The following SAMD4A variants were observed in gnomAD, a reference collection of about 807,000 sequenced individuals.
SAMD4A encodes protein Smaug homolog 1.
Under a neutral mutation model 81.3 loss-of-function variants are expected in SAMD4A, and 33 were observed. The observed-to-expected ratio is 0.41, with a 90% CI of 0.31 to 0.54. SAMD4A has a LOEUF of 0.54. Ranked by LOEUF, SAMD4A falls within the 20% of genes least tolerant of loss-of-function variation. SAMD4A has a pLI of 0.37. For missense variants in SAMD4A, 854 were observed against 951.1 expected (o/e 0.90, Z 1.34); for synonymous variants, 389 against 382.1 (o/e 1.02, Z -0.21).
chr14:54,760,666 T>G (rs2038374360), intron 7 of SAMD4A, among the ~76,000 whole-genome samples, 172 bp downstream of exon 7: 1 of 152,172 alleles, frequency 6.6e-6, no homozygotes, highest in African/African-American at 2.4e-5. Context: ...CTTTTGGGTT[T>G]GAACTGCAAT....
chr14:54,567,852 TTGGGGCGGGCGGGGCGGGC>T lies in SAMD4A; in HGVS notation c.-57_-39del, dbSNP rs1555331849. The T allele has an allele frequency of 3.4e-6, 5 of 1,486,162 alleles. No homozygotes were observed. The highest frequency in any genetic ancestry group is 4.5e-6 in the Non-Finnish European group (5 of 1,118,696). The allele number at this position is 1,486,162 out of a possible 1,614,324, so 92.1% of individuals were successfully genotyped here. On this transcript the variant is annotated 5_prime_UTR_variant, in exon 2 of 13. Transcript: ENST00000554335. ...CGCGGGGCTGCGGCTCCGCCAAACT[TTGGGGCGGGCGGGGCGGGC>T]TGGGGCGCCCAGGGGGCTCTGTAGA...
chr14:54,767,202 C>T lies in SAMD4A; in HGVS notation c.1596+2662C>T, dbSNP rs72713433. On this transcript the variant is annotated intron_variant, in intron 8 of 12. Coordinates refer to ENST00000554335, the MANE Select transcript of SAMD4A (RefSeq NM_015589.6). The stretch of plus-strand genomic sequence containing the variant: ...CCGGTTATTCTGTGTGGGTAGAACA[C>T]GCCCTGCCTGTGAGGCCCCGTGAAG... Among the ~76,000 whole-genome samples the T allele has an allele frequency of 5.9e-3, 891 of 152,290 alleles. 11 individuals are homozygous for T. Among genetic ancestry groups the T allele is most frequent in the Non-Finnish European group, 9.4e-3 (637 of 68,030 alleles).
intron 2 of SAMD4A, among the ~76,000 whole-genome samples, chr14:54,626,059 TGC>T (rs113491666): frequency 2.8e-3 from 288 of 102,106 alleles, no homozygotes; most frequent in African/African-American, 8.6e-3. Context: ...TGTGTGTGTG[TGC>T]GCGCGCGCGC....
intron 2 of SAMD4A, among the ~76,000 whole-genome samples, chr14:54,632,708 G>A (rs1185555304): frequency 6.6e-6 from 1 of 152,172 alleles, no homozygotes; most frequent in African/African-American, 2.4e-5. Context: ...ATTGCATAGA[G>A]ACCAAGAACC....
intron 2 of SAMD4A, among the ~76,000 whole-genome samples, chr14:54,673,593 C>T (rs1211745089): frequency 6.6e-6 from 1 of 152,208 alleles, no homozygotes; most frequent in Non-Finnish European, 1.5e-5. Context: ...CCACTGAATT[C>T]TCACCTGCTT....
intron 2 of SAMD4A, among the ~76,000 whole-genome samples, chr14:54,637,554 C>T (rs1056169022): frequency 3.9e-5 from 6 of 152,046 alleles, no homozygotes; most frequent in Non-Finnish European, 7.4e-5. Flanking sequence ...AGAGTCCGAC[C>T]TCTTTCCACC....
At chr14:54,677,378 C>A (rs1234979768) in intron 2 of SAMD4A, among the ~76,000 whole-genome samples, 1 of 152,176 alleles carries the variant, frequency 6.6e-6, no homozygotes, top group African/African-American at 2.4e-5. Context: ...AAACCAATCC[C>A]TATTACCCTA....
intron 11 of SAMD4A, chr14:54,784,304 C>A: frequency 2.0e-6 from 3 of 1,496,476 alleles, no homozygotes; most frequent in Non-Finnish European, 2.7e-6. Flanking sequence ...CAGACTGTGA[C>A]ATGACCAGCT....
At chr14:54,587,685 A>G (rs372915649) in intron 2 of SAMD4A, among the ~76,000 whole-genome samples, 160 of 152,336 alleles carry the variant, frequency 1.1e-3, no homozygotes, top group African/African-American at 1.7e-3. Context: ...GTGGTATATC[A>G]CATTTATGGA....
At chr14:54,637,703 A>G (rs1312476032) in intron 2 of SAMD4A, among the ~76,000 whole-genome samples, 1 of 152,128 alleles carries the variant, frequency 6.6e-6, no homozygotes, top group Non-Finnish European at 1.5e-5. Flanking sequence ...GCCTCACAAG[A>G]CAGAGAGGAA....
In SAMD4A at chr14:54,732,978, G is replaced by A. The variant is rs565018721; in HGVS notation, c.716-4046G>A. On this transcript the variant is annotated intron_variant, in intron 3 of 12. Transcript: ENST00000554335. ...AATGGGAAAGAAATCTGAATCCCAGGGTTTAAAGAAAATACTTAAATGAAC... is the reference window on the plus strand; with the variant it reads ...AATGGGAAAGAAATCTGAATCCCAGAGTTTAAAGAAAATACTTAAATGAAC... 1.6e-4 allele frequency among the ~76,000 whole-genome samples: 25 copies of A among 152,228 alleles called. No individual in the cohort carries two copies. The East Asian group carries it at 4.8e-3, about 29-fold the overall frequency.
intron 11 of SAMD4A, among the ~76,000 whole-genome samples, chr14:54,777,782 C>A (rs893360861): frequency 6.6e-6 from 1 of 152,144 alleles, no homozygotes; most frequent in South Asian, 2.1e-4. Context: ...AGTGCAGAGG[C>A]CTGCTCACAT....
rs2036737155 is a variant in SAMD4A, at chr14:54,702,203, T to C, written c.338T>C (p.Ile113Thr). The part of the protein sequence containing the change: ...KLLPKILAHS[I>T]EHNQHIEESR... ...CTGCCCAAAATCCTGGCTCACTCTA[T>C]TGAACACAACCAGCACATTGAGGAG... Residue 113 changes from isoleucine to threonine, a missense_variant, in exon 3 of 13, where the codon ATT becomes ACT. By Grantham distance (89) the Ile-to-Thr change is moderately conservative (BLOSUM62 -1). Coordinates refer to ENST00000554335, the MANE Select transcript of SAMD4A (RefSeq NM_015589.6). The C allele has an allele frequency of 8.1e-6, 13 of 1,614,072 alleles. No individual in the cohort carries two copies. The highest frequency in any genetic ancestry group is 1.0e-5 in the Non-Finnish European group (12 of 1,180,030).
rs192273647 is a variant in SAMD4A, at chr14:54,615,104, A to G, written c.196+46992A>G. ...CTTGGCTTCTGACAAGTTCACCTGGAACCTTGGAAAGTTGCCCAGCCTCCC... is the reference window on the plus strand; with the variant it reads ...CTTGGCTTCTGACAAGTTCACCTGGGACCTTGGAAAGTTGCCCAGCCTCCC... On this transcript the variant is annotated intron_variant, in intron 2 of 12. Transcript: ENST00000554335. 1.0e-3 allele frequency among the ~76,000 whole-genome samples: 154 copies of G among 152,268 alleles called. 1 individual carries two copies. The highest frequency in any genetic ancestry group is 9.0e-3 in the Admixed American group (137 of 15,290).
Position 54,775,043 on chromosome 14 carries a change from G to T in SAMD4A, c.1825G>T (p.Ala609Ser). Reference protein sequence around the residue: ...YQIPSRNVPSARLGLLGTSGF... With the variant: ...YQIPSRNVPSSRLGLLGTSGF... Reference sequence around the variant, plus strand: ...GATCCCCTCTCGGAACGTCCCTTCCGCCCGCCTGGGCCTCTTGGGCACCAG... The same window carrying T: ...GATCCCCTCTCGGAACGTCCCTTCCTCCCGCCTGGGCCTCTTGGGCACCAG... Residue 609 changes from alanine to serine, a missense_variant, in exon 10 of 13, where the codon GCC (alanine) becomes TCC (serine). This residue lies in a region of SAMD4A where 428 missense variants were observed against 471.2 expected (regional missense o/e 0.91). Transcript: ENST00000554335. The T allele has an allele frequency of 6.2e-7, 1 of 1,614,140 alleles. No individual in the cohort carries two copies. The highest frequency in any genetic ancestry group is 8.5e-7 in the Non-Finnish European group (1 of 1,180,034).
intron 2 of SAMD4A, among the ~76,000 whole-genome samples, chr14:54,663,275 C>T (rs770611466): frequency 6.6e-5 from 10 of 152,134 alleles, no homozygotes; most frequent in South Asian, 2.1e-4. Context: ...ACATTGAGAG[C>T]GGATCCAACC....
At chr14:54,586,587 T>A (rs910000221) in intron 2 of SAMD4A, among the ~76,000 whole-genome samples, 2 of 152,204 alleles carry the variant, frequency 1.3e-5, no homozygotes, top group Non-Finnish European at 2.9e-5. Flanking sequence ...TGATCCATCT[T>A]GAGTTGATTT....
chr14:54,630,732 T>A (rs1327612717), intron 2 of SAMD4A, among the ~76,000 whole-genome samples: 1 of 152,132 alleles, frequency 6.6e-6, no homozygotes, highest in Non-Finnish European at 1.5e-5. Context: ...TATTTCACTA[T>A]GGTGAGTTTT....
chr14:54,790,005 A>T lies in SAMD4A; in HGVS notation c.*1061A>T, dbSNP rs1364851024. 6.6e-6 allele frequency: 1 copy of T among 151,568 alleles called. No individual in the cohort carries two copies. The highest frequency in any genetic ancestry group is 6.6e-5 in the Admixed American group (1 of 15,210). 9.4% of individuals were successfully genotyped at this position (151,568 alleles called of 1,614,324 possible). A position where few individuals can be genotyped will look rare whatever the true frequency, so the allele number is the denominator to read the frequency against. Reference sequence around the variant, plus strand: ...CCCACCCATGGGGCATTATCCTGTCACTCCCAGCCTTGCTCCACACACACA... The same window carrying T: ...CCCACCCATGGGGCATTATCCTGTCTCTCCCAGCCTTGCTCCACACACACA... On this transcript the variant is annotated 3_prime_UTR_variant, in exon 13 of 13. Coordinates refer to ENST00000554335, the MANE Select transcript of SAMD4A (RefSeq NM_015589.6).
Sources: allele counts gnomAD v4.1 joint callset (sites outside exome capture counted in the v4.1 genomes callset), GRCh38; gene constraint gnomAD v4.1.1; regional missense constraint gnomAD v4.1.1; transcripts MANE v1.5; gene names NCBI Gene and HGNC (gene_info 2026-07-23, HGNC 2026-07-21).